CLIP2: variants seen among roughly 807,000 people sequenced by gnomAD.
The protein encoded by CLIP2 is CAP-Gly domain-containing linker protein 2.
Under a neutral mutation model 111.7 loss-of-function variants are expected in CLIP2, and 41 were observed. That is an observed-to-expected ratio of 0.37 (90% CI 0.29 to 0.48). CLIP2 has a LOEUF of 0.48. CLIP2 is among the 20% of genes least tolerant of loss of function. The probability of loss-of-function intolerance (pLI) is 0.99; values close to 1 mark genes in which losing one functional copy is unlikely to be tolerated. For missense variants in CLIP2, 1,160 were observed against 1,422.1 expected (o/e 0.82, Z 2.96); for synonymous variants, 660 against 644.2 (o/e 1.02, Z -0.37).
intron 2 of CLIP2, among the ~76,000 whole-genome samples, chr7:74,319,493 AC>A (rs1486597907): frequency 6.6e-6 from 1 of 151,528 alleles, no homozygotes; most frequent in Non-Finnish European, 1.5e-5. Flanking sequence ...GGGCAACAGA[AC>A]AAGACTCTGT....
Position 74,376,148 on chromosome 7 carries a change from G to A in CLIP2, c.1747G>A (p.Ala583Thr), listed in dbSNP as rs1204974131. ...CCAGGCGGAGGTGGACAAGCTCCGCGCGGCCAACGAGAAGTACGCACAGGA... is the reference window on the plus strand; with the variant it reads ...CCAGGCGGAGGTGGACAAGCTCCGCACGGCCAACGAGAAGTACGCACAGGA... ...AYQAEVDKLRAANEKYAQEVA... is the reference protein window; with the variant it reads ...AYQAEVDKLRTANEKYAQEVA... The change falls in exon 10 of 17, where the codon GCG becomes ACG. Residue 583 changes from alanine to threonine, a missense_variant. Transcript: ENST00000223398. The surrounding 1 kb of genome is among the most constrained non-coding windows in gnomAD (Gnocchi z 7.1). 9 of 1,609,874 alleles carry A rather than the reference G, an allele frequency of 5.6e-6. No individual in the cohort carries two copies. The highest frequency in any genetic ancestry group is 5.9e-6 in the Non-Finnish European group (7 of 1,178,112).
chr7:74,321,047 G>A (rs542186434), intron 2 of CLIP2, among the ~76,000 whole-genome samples: 1 of 152,074 alleles, frequency 6.6e-6, no homozygotes. Context: ...CAGCTCTCAT[G>A]CCCCTCCTAG....
chr7:74,331,205 C>CAAAA (rs58844348), intron 2 of CLIP2, among the ~76,000 whole-genome samples: 3 of 59,940 alleles, frequency 5.0e-5, no homozygotes, highest in African/African-American at 2.3e-4. Flanking sequence ...GACTCCATCT[C>CAAAA]AAAAAAAAAA....
intron 1 of CLIP2, among the ~76,000 whole-genome samples, chr7:74,302,272 A>G (rs185262006): frequency 1.3e-5 from 2 of 151,538 alleles, no homozygotes; most frequent in African/African-American, 2.4e-5. Context: ...CTGGAGTGCA[A>G]TGGCGCGATA....
chr7:74,384,508 C>G (rs932134565), intron 11 of CLIP2, among the ~76,000 whole-genome samples: 2 of 137,572 alleles, frequency 1.5e-5, no homozygotes, highest in Non-Finnish European at 3.0e-5. Flanking sequence ...TGCAGTGGTG[C>G]AATCTTGGCT....
At position 74,405,076 on chromosome 7, in the gene CLIP2, C is replaced by T. The variant is rs1340930580; in HGVS notation, c.*1228C>T. 6.6e-6 allele frequency: 1 copy of T among 152,244 alleles called. No homozygotes were observed. Among genetic ancestry groups the T allele is most frequent in the African/African-American group, 2.4e-5 (1 of 41,442 alleles). The allele number at this position is 152,244 out of a possible 1,614,324, so 9.4% of individuals were successfully genotyped here. ...GCACAGAGCGTCTCCAGCCCCATCTCCTAACGGGGGCTGGGGGTAAGAGAA... is the reference window on the plus strand; with the variant it reads ...GCACAGAGCGTCTCCAGCCCCATCTTCTAACGGGGGCTGGGGGTAAGAGAA... On this transcript the variant is annotated 3_prime_UTR_variant, in exon 17 of 17. Coordinates refer to ENST00000223398, the MANE Select transcript of CLIP2 (RefSeq NM_003388.5).
intron 2 of CLIP2, among the ~76,000 whole-genome samples, chr7:74,335,017 G>A (rs1554731873): frequency 6.6e-6 from 1 of 151,548 alleles, no homozygotes; most frequent in Admixed American, 6.6e-5. Flanking sequence ...AACAAAAGAG[G>A]GAGGGTTCTG....
At chr7:74,350,602 C>T (rs1338317328) in intron 3 of CLIP2, among the ~76,000 whole-genome samples, 3 of 151,950 alleles carry the variant, frequency 2.0e-5, no homozygotes, top group African/African-American at 7.2e-5. Flanking sequence ...CAGTGGCTCA[C>T]GCCTGTAATT....
At position 74,376,688 on chromosome 7, in the gene CLIP2, A is replaced by T. The variant is rs1455038007; in HGVS notation, c.2287A>T (p.Met763Leu). The T allele has an allele frequency of 1.9e-6, 3 of 1,613,086 alleles. No individual in the cohort carries two copies. The African/African-American group carries it at 4.0e-5, about 22-fold the overall frequency. The change falls in exon 10 of 17, where the codon ATG (methionine) becomes TTG (leucine). Residue 763 changes from methionine to leucine, a missense_variant. Around this residue, in one of 5 missense-constraint regions of CLIP2, gnomAD observed 676 missense variants for 777.8 expected, o/e 0.87. Coordinates refer to ENST00000223398, the MANE Select transcript of CLIP2 (RefSeq NM_003388.5). This position sits in a 1 kb window ranked among gnomAD's most constrained non-coding sequence, Gnocchi z 7.1. ...KEQISLAEKK[M>L]LDYERLQRAE... ...GCAGATCTCGCTGGCCGAGAAGAAG[A>T]TGTTGGACTACGAGCGGCTGCAGCG... is the stretch of plus-strand genomic sequence containing the variant.
Position 74,376,619 on chromosome 7 carries a change from G to C in CLIP2, c.2218G>C (p.Val740Leu). 6.2e-7 allele frequency: 1 copy of C among 1,613,278 alleles called. No individual in the cohort carries two copies. The highest frequency in any genetic ancestry group is 8.5e-7 in the Non-Finnish European group (1 of 1,179,848). Reference sequence around the variant, plus strand: ...TGTGCACGAGCTGGAAAAACTGGACGTGGAGTACCGGGGCCAGGCGCAGGC... The same window carrying C: ...TGTGCACGAGCTGGAAAAACTGGACCTGGAGTACCGGGGCCAGGCGCAGGC... ...LRVHELEKLD[V>L]EYRGQAQAIE... The change falls in exon 10 of 17, where the codon GTG becomes CTG. Residue 740 changes from valine to leucine, a missense_variant. Physicochemically the swap from Val to Leu is conservative, Grantham distance 32. Coordinates refer to ENST00000223398, the MANE Select transcript of CLIP2 (RefSeq NM_003388.5). The surrounding 1 kb of genome is among the most constrained non-coding windows in gnomAD (Gnocchi z 7.1).
At chr7:74,314,581 T>G (rs1554728885) in intron 1 of CLIP2, among the ~76,000 whole-genome samples, 1 of 152,228 alleles carries the variant, frequency 6.6e-6, no homozygotes. Flanking sequence ...GGGCATCTCC[T>G]GTATCAGAGA....
intron 6 of CLIP2, 144 bp downstream of exon 6, chr7:74,357,621 A>G: frequency 1.4e-6 from 1 of 712,476 alleles, no homozygotes; most frequent in Non-Finnish European, 2.3e-6. Flanking sequence ...CTTTCCAGAG[A>G]TAAGCCTCAG....
At chr7:74,362,063 T>C (rs1790343600) in intron 7 of CLIP2, among the ~76,000 whole-genome samples, 1 of 147,404 alleles carries the variant, frequency 6.8e-6, no homozygotes, top group Admixed American at 6.8e-5. Flanking sequence ...ATCACACCAC[T>C]ACAGTACAGC....
intron 2 of CLIP2, among the ~76,000 whole-genome samples, chr7:74,319,440 G>A (rs551693789): frequency 1.3e-4 from 20 of 152,192 alleles, no homozygotes; most frequent in Admixed American, 8.5e-4. Context: ...CTTAGGAGGC[G>A]GAGGCTACAG....
Position 74,397,241 on chromosome 7 carries a change from G to A in CLIP2, c.2880+8G>A, listed in dbSNP as rs782086464. The A allele has an allele frequency of 1.2e-6, 2 of 1,613,162 alleles. No homozygotes were observed. The highest frequency in any genetic ancestry group is 2.2e-5 in the East Asian group (1 of 44,872). On this transcript the variant is annotated splice_region_variant and intron_variant, in intron 14 of 16. Coordinates refer to ENST00000223398, the MANE Select transcript of CLIP2 (RefSeq NM_003388.5). The stretch of plus-strand genomic sequence containing the variant: ...GAAAAGCTGACCGGGCTGGTATGTG[G>A]GGTAGGGGTGGCCTAGGGGCAGGGG...
At chr7:74,326,400 C>T (rs911382102) in intron 2 of CLIP2, among the ~76,000 whole-genome samples, 2 of 152,190 alleles carry the variant, frequency 1.3e-5, no homozygotes, top group African/African-American at 2.4e-5. Context: ...ACATTTGGCT[C>T]ATGCCCCAGA....
chr7:74,347,085 C>A (rs1418152465), intron 3 of CLIP2, among the ~76,000 whole-genome samples: 3 of 151,924 alleles, frequency 2.0e-5, no homozygotes, highest in Non-Finnish European at 4.4e-5. Context: ...ATCCCTTGCC[C>A]CGTCCCCGTT....
chr7:74,317,466 G>T lies in CLIP2; in HGVS notation c.-67-14G>T. On this transcript the variant is annotated splice_polypyrimidine_tract_variant and intron_variant, in intron 1 of 16. Coordinates refer to ENST00000223398, the MANE Select transcript of CLIP2 (RefSeq NM_003388.5). ...GGGAAGTGATGATGTGATCTCTCCT[G>T]TCTCTGCCCGCAGGTGAGTGAAGAT... is the stretch of plus-strand genomic sequence containing the variant. 1 of 1,326,766 alleles carries T rather than the reference G, an allele frequency of 7.5e-7. No individual in the cohort carries two copies. The allele number at this position is 1,326,766 out of a possible 1,614,324, so 82.2% of individuals were successfully genotyped here.
chr7:74,332,000 AT>A (rs34085433), intron 2 of CLIP2, among the ~76,000 whole-genome samples: 93,176 of 151,926 alleles, frequency 0.61, 30,531 homozygotes, highest in Middle Eastern at 0.74. Flanking sequence ...TTGGTAGATT[AT>A]TGTGGTGGGT....
Sources: allele counts gnomAD v4.1 joint callset (sites outside exome capture counted in the v4.1 genomes callset), GRCh38; gene constraint gnomAD v4.1.1; regional missense constraint gnomAD v4.1.1; non-coding constraint Gnocchi (gnomAD v3.1); transcripts MANE v1.5; gene names NCBI Gene and HGNC (gene_info 2026-07-23, HGNC 2026-07-21).